AP3D1: variants seen among roughly 807,000 people sequenced by gnomAD.
The protein encoded by AP3D1 is adaptor related protein complex 3 subunit delta 1, also known as AP-3 complex subunit delta-1.
A neutral mutation model predicts 147.6 loss-of-function variants in AP3D1; 51 were observed. The ratio of observed to expected loss-of-function variants is 0.35; its 90% CI spans 0.28 to 0.44. AP3D1 has a LOEUF of 0.44. Ranked by LOEUF, AP3D1 falls within the 20% of genes least tolerant of loss-of-function variation. The pLI, the probability that AP3D1 is intolerant of heterozygous loss-of-function variation, is 1.00. For synonymous variants in AP3D1, 760 were observed against 663.0 expected (o/e 1.15, Z -2.25); for missense variants, 1,421 against 1,624.2 (o/e 0.87, Z 2.15).
At chr19:2,109,294 G>C in intron 29 of AP3D1, 87 bp from the exon 30 acceptor site, 1 of 1,475,698 alleles carries the variant, frequency 6.8e-7, no homozygotes, top group Non-Finnish European at 9.0e-7. Context: ...TGCCACACAC[G>C]CTGCGCTTGG....
intron 9 of AP3D1, 32 bp downstream of exon 9, chr19:2,127,120 C>A (rs1313724739): frequency 1.2e-6 from 2 of 1,612,056 alleles, no homozygotes. Context: ...GCAGTGCCAG[C>A]CCTTCCAGAT....
intron 1 of AP3D1, among the ~76,000 whole-genome samples, chr19:2,146,390 G>A (rs2019356575): frequency 1.3e-5 from 2 of 152,104 alleles, no homozygotes; most frequent in Admixed American, 6.6e-5. Flanking sequence ...GGTTACTTGA[G>A]GTCAGGAGTT....
At chr19:2,111,575 G>GA in intron 25 of AP3D1, 104 bp downstream of exon 25, 2 of 1,416,476 alleles carry the variant, frequency 1.4e-6, no homozygotes, top group Admixed American at 2.3e-5. Context: ...GCTTCTTCTC[G>GA]AATCTGCTCA....
intron 1 of AP3D1, among the ~76,000 whole-genome samples, chr19:2,141,991 CATTT>C (rs918890188): frequency 6.7e-6 from 1 of 149,400 alleles, no homozygotes; most frequent in African/African-American, 2.5e-5. Flanking sequence ...CATATATATA[CATTT>C]ATTTACATAT....
In AP3D1 at chr19:2,114,245, T is replaced by C. The variant is rs1166606375; in HGVS notation, c.2481A>G (p.Ser827=). The stretch of plus-strand genomic sequence containing the variant: ...TGGGAACGTCCTTCTCAGGGGATTT[T>C]GAGGTCTCGGTGTTTCTGTGTTTCT... ...PIQKHRNTET[S]KSPEKDVPMV... The change falls in exon 22 of 32, where the codon TCA becomes TCG. Residue 827 remains serine (S), a synonymous_variant. Transcript: ENST00000643116. 1.2e-6 allele frequency: 2 copies of C among 1,613,944 alleles called. No individual in the cohort carries two copies. The highest frequency in any genetic ancestry group is 1.7e-6 in the Non-Finnish European group (2 of 1,179,954).
rs931259903 is a variant in AP3D1 at position 2,149,512 on chromosome 19, C to T, written c.96+1727G>A. Among the ~76,000 whole-genome samples the T allele has an allele frequency of 3.4e-5, 5 of 148,602 alleles. No individual in the cohort carries two copies. In the South Asian group the frequency reaches 8.5e-4, roughly 25 times the overall value. On this transcript the variant is annotated intron_variant, in intron 1 of 31. Coordinates refer to ENST00000643116, the MANE Select transcript of AP3D1 (RefSeq NM_001261826.3). ...GAGCCAAGATCATGCCTCTGCACTCCGGCCTGGGCAACAAGAGTGAAACTC... is the reference window on the plus strand; with the variant it reads ...GAGCCAAGATCATGCCTCTGCACTCTGGCCTGGGCAACAAGAGTGAAACTC...
chr19:2,109,202 G>T lies in AP3D1; in HGVS notation c.3356C>A (p.Ala1119Asp). The part of the protein sequence containing the change: ...YLITTPCYSD[A>D]FAKLLESGDL... Reference sequence around the variant, plus strand: ...CCCAGACTCCAGCAACTTAGCAAAGGCGTCACTGTGGGAGGGACAGGGAGG... The same window carrying T: ...CCCAGACTCCAGCAACTTAGCAAAGTCGTCACTGTGGGAGGGACAGGGAGG... The change falls in exon 30 of 32, where the codon GCC (alanine) becomes GAC (aspartate). Residue 1119 changes from alanine (A) to aspartate (D), a missense_variant. Around this residue, in one of 6 missense-constraint regions of AP3D1, gnomAD observed 791 missense variants for 761.4 expected, o/e 1.04. Transcript: ENST00000643116. 1 of 1,598,206 alleles carries T rather than the reference G, an allele frequency of 6.3e-7. No homozygotes were observed. The highest frequency in any genetic ancestry group is 1.1e-5 in the South Asian group (1 of 88,806).
At chr19:2,114,599 A>G (rs1224379395) in intron 21 of AP3D1, 149 bp downstream of exon 21, 2 of 708,774 alleles carry the variant, frequency 2.8e-6, no homozygotes, top group Non-Finnish European at 4.8e-6. Context: ...AGAGCAGTGC[A>G]GTGAGGACGT....
upstream of AP3D1, among the ~76,000 whole-genome samples, chr19:2,151,723 C>T (rs1304778261): frequency 6.6e-6 from 1 of 152,246 alleles, no homozygotes; most frequent in South Asian, 2.1e-4. Flanking sequence ...CTTTCTCCTG[C>T]GCGCGGCCCC....
intron 25 of AP3D1, 127 bp downstream of exon 25, chr19:2,111,552 C>T: frequency 7.5e-7 from 1 of 1,338,618 alleles, no homozygotes; most frequent in Admixed American, 2.3e-5. Flanking sequence ...GTCCCCTGCC[C>T]CCGCCAGGCT....
At chr19:2,110,977 C>A in intron 26 of AP3D1, 81 bp from the exon 27 acceptor site, 1 of 1,448,496 alleles carries the variant, frequency 6.9e-7, no homozygotes, top group South Asian at 1.3e-5. Context: ...TTAATGACCA[C>A]AGAGGCAGCA....
chr19:2,154,275 G>C (rs1368581229), upstream of AP3D1, among the ~76,000 whole-genome samples: 1 of 145,192 alleles, frequency 6.9e-6, no homozygotes, highest in Admixed American at 6.9e-5. Context: ...TTTATTTATG[G>C]TTTTTTTTTT....
chr19:2,131,490 G>A (rs1381805739), intron 5 of AP3D1, among the ~76,000 whole-genome samples: 2 of 132,814 alleles, frequency 1.5e-5, no homozygotes, highest in Non-Finnish European at 3.4e-5. Flanking sequence ...ACACCCGGTG[G>A]ACAGGCAGCC....
At chr19:2,148,372 C>T (rs1254027339) in intron 1 of AP3D1, among the ~76,000 whole-genome samples, 1 of 152,152 alleles carries the variant, frequency 6.6e-6, no homozygotes, top group African/African-American at 2.4e-5. Flanking sequence ...GAACCCGATA[C>T]GTTTACACGT....
At chr19:2,164,363 C>T (rs571521780) in exon 1 of AP3D1, 2 of 802,622 alleles carry the variant, frequency 2.5e-6, no homozygotes, top group Non-Finnish European at 3.3e-6. Flanking sequence ...CACCGGTCCC[C>T]CCTGCGGAAC....
intron 12 of AP3D1, 28 bp downstream of exon 12, chr19:2,121,706 G>A (rs772024705): frequency 1.4e-5 from 21 of 1,547,760 alleles, no homozygotes; most frequent in East Asian, 4.5e-5. Flanking sequence ...AAGGCCAGGC[G>A]GGCGGGCGGC....
intron 1 of AP3D1, among the ~76,000 whole-genome samples, chr19:2,159,221 C>CTT (rs1226347011): frequency 2.1e-5 from 3 of 139,562 alleles, no homozygotes; most frequent in Non-Finnish European, 4.7e-5. Context: ...ATCTCTCTCT[C>CTT]TTTTTTTTTT....
chr19:2,134,758 C>T (rs532696220), intron 4 of AP3D1, among the ~76,000 whole-genome samples: 10 of 151,738 alleles, frequency 6.6e-5, no homozygotes, highest in South Asian at 6.2e-4. Context: ...CGCACCACCA[C>T]GCCCGGCTAA....
At chr19:2,116,089 G>A in intron 18 of AP3D1, 118 bp downstream of exon 18, 1 of 985,440 alleles carries the variant, frequency 1.0e-6, no homozygotes, top group Non-Finnish European at 1.5e-6. Flanking sequence ...TCACCGTGTG[G>A]CCCCAGCTCC....
Sources: allele counts gnomAD v4.1 joint callset (sites outside exome capture counted in the v4.1 genomes callset), GRCh38; gene constraint gnomAD v4.1.1; regional missense constraint gnomAD v4.1.1; transcripts MANE v1.5; gene names NCBI Gene and HGNC (gene_info 2026-07-23, HGNC 2026-07-21).